The following GLI2 variants were observed in gnomAD, a reference collection of about 807,000 sequenced individuals.
GLI2 encodes GLI family zinc finger 2, also known as transcription activator GLI2.
In GLI2, 22 loss-of-function variants were observed where a neutral mutation model predicts 78.9. The ratio of observed to expected loss-of-function variants is 0.28; its 90% CI spans 0.20 to 0.40. The LOEUF (loss-of-function observed/expected upper bound fraction) is 0.40. GLI2 is among the 10% of genes least tolerant of loss of function. GLI2 has a pLI of 1.00. For missense variants in GLI2, 2,097 were observed against 2,213.2 expected (o/e 0.95, Z 1.05); for synonymous variants, 974 against 963.7 (o/e 1.01, Z -0.20).
At chr2:120,794,593 G>T (rs996403187) in intron 1 of GLI2, among the ~76,000 whole-genome samples, 1 of 152,130 alleles carries the variant, frequency 6.6e-6, no homozygotes, top group African/African-American at 2.4e-5. Flanking sequence ...CGAGTGCTGG[G>T]GGGTGTGGGG....
intron 2 of GLI2, among the ~76,000 whole-genome samples, chr2:120,884,638 A>C (rs962111532): frequency 6.6e-6 from 1 of 152,130 alleles, no homozygotes; most frequent in Non-Finnish European, 1.5e-5. Flanking sequence ...GGAGATATAC[A>C]GCTTGGGCCT....
intron 2 of GLI2, among the ~76,000 whole-genome samples, chr2:120,920,291 GT>G (rs1679304940): frequency 6.6e-6 from 1 of 152,278 alleles, no homozygotes; most frequent in Non-Finnish European, 1.5e-5. Context: ...GTGCCTCTGC[GT>G]TGTGGCAACA....
intron 9 of GLI2, 65 bp downstream of exon 9, chr2:120,975,174 C>A: frequency 2.0e-6 from 3 of 1,497,488 alleles, no homozygotes; most frequent in Admixed American, 1.7e-5. Context: ...GGATGCTGAG[C>A]CTTCCAGGGC....
chr2:120,777,800 A>T (rs1167226804), intron 1 of GLI2, among the ~76,000 whole-genome samples: 1 of 151,028 alleles, frequency 6.6e-6, no homozygotes, highest in Non-Finnish European at 1.5e-5. Flanking sequence ...TTGGAGGGAC[A>T]GCGATGAGTG....
At chr2:120,765,380 G>A (rs1244475319) in intron 1 of GLI2, among the ~76,000 whole-genome samples, 1 of 152,258 alleles carries the variant, frequency 6.6e-6, no homozygotes, top group African/African-American at 2.4e-5. Context: ...GCCTTTGCAT[G>A]AGGCCAAGCC....
intron 9 of GLI2, among the ~76,000 whole-genome samples, chr2:120,976,589 A>G (rs571161396): frequency 6.6e-6 from 1 of 152,370 alleles, no homozygotes; most frequent in East Asian, 1.9e-4. Flanking sequence ...CTCTCAGGCC[A>G]GGGGAAGGCC....
At chr2:120,799,791 C>G (rs1386111882) in intron 2 of GLI2, among the ~76,000 whole-genome samples, 1 of 152,168 alleles carries the variant, frequency 6.6e-6, no homozygotes, top group Non-Finnish European at 1.5e-5. Flanking sequence ...AACCCTGAGT[C>G]CCCCAGAAGG....
intron 2 of GLI2, among the ~76,000 whole-genome samples, chr2:120,847,411 G>A (rs926533977): frequency 6.6e-6 from 1 of 152,152 alleles, no homozygotes; most frequent in Non-Finnish European, 1.5e-5. Context: ...AAAGCGTTTC[G>A]AGGTATGAGA....
chr2:120,980,174 T>C (rs890015970), intron 10 of GLI2, among the ~76,000 whole-genome samples: 4 of 152,192 alleles, frequency 2.6e-5, no homozygotes, highest in South Asian at 2.1e-4. Context: ...AGGAGTGGAA[T>C]TGGTGAGTCG....
At chr2:120,867,610 G>A (rs576304832) in intron 2 of GLI2, among the ~76,000 whole-genome samples, 5 of 152,320 alleles carry the variant, frequency 3.3e-5, no homozygotes, top group African/African-American at 7.2e-5. Context: ...TAAGTTGAAG[G>A]AGGACGGCAG....
chr2:120,986,038 G>A (rs988588593), intron 12 of GLI2, among the ~76,000 whole-genome samples: 1 of 152,262 alleles, frequency 6.6e-6, no homozygotes, highest in Admixed American at 6.5e-5. Flanking sequence ...CTCTGCACCG[G>A]AATCAGTTCA....
chr2:120,756,270 T>C lies in GLI2; in HGVS notation c.-31+19985T>C, dbSNP rs183977053. On this transcript the variant is annotated intron_variant, in intron 1 of 13. Transcript: ENST00000361492. Reference sequence around the variant, plus strand: ...CCTAGCAATGTTTTATAACTTTTAGTGTACAAGTACTGTACATCTTTTTTC... The same window carrying C: ...CCTAGCAATGTTTTATAACTTTTAGCGTACAAGTACTGTACATCTTTTTTC... 3.9e-5 allele frequency among the ~76,000 whole-genome samples: 6 copies of C among 152,342 alleles called. No homozygotes were observed. The East Asian group carries it at 1.2e-3, about 29-fold the overall frequency.
rs908072337 is a variant in GLI2, at chr2:120,878,329, A to G, written c.149-49032A>G. Among the ~76,000 whole-genome samples the G allele has an allele frequency of 3.9e-5, 6 of 152,372 alleles. No individual in the cohort carries two copies. The East Asian group carries it at 1.2e-3, about 29-fold the overall frequency. On this transcript the variant is annotated intron_variant, in intron 2 of 13. Transcript: ENST00000361492. ...TTGCCAATAATGGCTCTAACTGAGG[A>G]AGCCCATCTCTTTATACAAAAAATT...
intron 2 of GLI2, among the ~76,000 whole-genome samples, chr2:120,829,587 C>T (rs1229588451): frequency 6.6e-6 from 1 of 152,248 alleles, no homozygotes; most frequent in East Asian, 1.9e-4. Context: ...CTGGGCCTAA[C>T]AGCTGTTTCC....
At chr2:120,965,810 G>C (rs559735988) in intron 5 of GLI2, among the ~76,000 whole-genome samples, 2 of 152,330 alleles carry the variant, frequency 1.3e-5, no homozygotes, top group Admixed American at 6.5e-5. Flanking sequence ...GGGCCTCCCT[G>C]CTTCTTTCTG....
At chr2:120,893,692 T>C (rs1311181976) in intron 2 of GLI2, among the ~76,000 whole-genome samples, 1 of 147,532 alleles carries the variant, frequency 6.8e-6, no homozygotes, top group African/African-American at 2.5e-5. Flanking sequence ...CAAAACCAAG[T>C]TCCCCCCAAC....
chr2:120,977,518 G>T (rs1279142333), intron 9 of GLI2, among the ~76,000 whole-genome samples: 1 of 152,180 alleles, frequency 6.6e-6, no homozygotes, highest in East Asian at 1.9e-4. Flanking sequence ...AGTGGTCACT[G>T]CATTAGACAG....
intron 2 of GLI2, among the ~76,000 whole-genome samples, chr2:120,858,361 T>C (rs1193952369): frequency 6.6e-6 from 1 of 152,204 alleles, no homozygotes; most frequent in Non-Finnish European, 1.5e-5. Flanking sequence ...TCTCTCCCCA[T>C]GCCCCCGCCA....
chr2:120,992,158 T>C lies in GLI2; in HGVS notation c.*1483T>C, dbSNP rs1683317676. On this transcript the variant is annotated 3_prime_UTR_variant, in exon 14 of 14. Coordinates refer to ENST00000361492, the MANE Select transcript of GLI2 (RefSeq NM_001374353.1). ...TTAATGAGGAACTTCTTAGGAGAGT[T>C]TGAGGACAAGGCCAACATCGTCATC... 6.6e-6 allele frequency: 1 copy of C among 152,394 alleles called. No homozygotes were observed. Among genetic ancestry groups the C allele is most frequent in the South Asian group, 2.1e-4 (1 of 4,816 alleles). 9.4% of individuals were successfully genotyped at this position (152,394 alleles called of 1,614,324 possible). A position where few individuals can be genotyped will look rare whatever the true frequency, so the allele number is the denominator to read the frequency against.
Sources: allele counts gnomAD v4.1 joint callset (sites outside exome capture counted in the v4.1 genomes callset), GRCh38; gene constraint gnomAD v4.1.1; transcripts MANE v1.5; gene names NCBI Gene and HGNC (gene_info 2026-07-23, HGNC 2026-07-21).